NUBPL: variants seen among roughly 807,000 people sequenced by gnomAD.
The protein encoded by NUBPL is NUBP iron-sulfur cluster assembly factor, mitochondrial.
NUBPL carries 31 observed loss-of-function variants against 45.7 expected under a neutral mutation model. The observed-to-expected ratio is 0.68, with a 90% CI of 0.51 to 0.92. The LOEUF is 0.92. Ranked by LOEUF, NUBPL falls within the 40% of genes least tolerant of loss-of-function variation. The probability of loss-of-function intolerance (pLI) is 0.00; values close to 1 mark genes in which losing one functional copy is unlikely to be tolerated. For missense variants in NUBPL, 401 were observed against 398.7 expected (o/e 1.01, Z -0.05); for synonymous variants, 144 against 140.9 (o/e 1.02, Z -0.15).
intron 6 of NUBPL, among the ~76,000 whole-genome samples, chr14:31,764,971 CA>C (rs1327418804): frequency 1.3e-5 from 2 of 152,160 alleles, no homozygotes; most frequent in African/African-American, 4.8e-5. Context: ...TAATCTTTCT[CA>C]AAATCTTTTG....
At chr14:31,782,863 A>C (rs955613514) in intron 6 of NUBPL, among the ~76,000 whole-genome samples, 7 of 152,248 alleles carry the variant, frequency 4.6e-5, no homozygotes, top group African/African-American at 1.7e-4. Flanking sequence ...TTTATAAATA[A>C]GAACCATTTT....
intron 4 of NUBPL, among the ~76,000 whole-genome samples, chr14:31,607,438 G>C (rs2034634033): frequency 6.6e-6 from 1 of 150,518 alleles, no homozygotes; most frequent in Non-Finnish European, 1.5e-5. Context: ...TGACCTTTCA[G>C]ACAAAGAATT....
At chr14:31,835,777 T>C (rs1037062116) in intron 8 of NUBPL, among the ~76,000 whole-genome samples, 13 of 152,176 alleles carry the variant, frequency 8.5e-5, no homozygotes, top group African/African-American at 2.9e-4. Context: ...TTAAAACTTA[T>C]AACATCCATG....
At chr14:31,668,111 TCA>T (rs1955802578) in intron 4 of NUBPL, 1 of 152,386 alleles carries the variant, frequency 6.6e-6, no homozygotes, top group Non-Finnish European at 1.5e-5. Flanking sequence ...CCTGCTCTCT[TCA>T]GAGTCGGCAG....
chr14:31,704,256 A>C (rs531739861), intron 6 of NUBPL, among the ~76,000 whole-genome samples: 79 of 152,282 alleles, frequency 5.2e-4, no homozygotes, highest in Admixed American at 9.8e-4. Flanking sequence ...TTCCTGTCCC[A>C]CTGATGGACA....
chr14:31,737,093 A>ATT (rs2038181725), intron 6 of NUBPL, among the ~76,000 whole-genome samples: 2 of 151,456 alleles, frequency 1.3e-5, no homozygotes, highest in Admixed American at 6.6e-5. Flanking sequence ...TGTTGCAGAT[A>ATT]TCAATCAATG....
At chr14:31,675,367 C>T (rs1034926187) in intron 6 of NUBPL, among the ~76,000 whole-genome samples, 1 of 152,180 alleles carries the variant, frequency 6.6e-6, no homozygotes, top group African/African-American at 2.4e-5. Flanking sequence ...TACACTGGGA[C>T]TAATGCTGAT....
chr14:31,605,157 A>G (rs912841402), intron 4 of NUBPL, among the ~76,000 whole-genome samples: 1 of 152,202 alleles, frequency 6.6e-6, no homozygotes, highest in Non-Finnish European at 1.5e-5. Flanking sequence ...CAGATTTCAT[A>G]TTATAGTATA....
intron 3 of NUBPL, among the ~76,000 whole-genome samples, chr14:31,572,432 C>G (rs953945403): frequency 6.6e-6 from 1 of 152,174 alleles, no homozygotes; most frequent in Non-Finnish European, 1.5e-5. Context: ...AGCCACTGTG[C>G]CTGGCCTAGC....
At chr14:31,718,885 C>G (rs2037746348) in intron 6 of NUBPL, among the ~76,000 whole-genome samples, 1 of 152,132 alleles carries the variant, frequency 6.6e-6, no homozygotes, top group Non-Finnish European at 1.5e-5. Context: ...TGAGTATGAA[C>G]AGAATAAATC....
Position 31,849,981 on chromosome 14 carries a change from A to G in NUBPL, c.815-138A>G, listed in dbSNP as rs1447028448. On this transcript the variant is annotated intron_variant, in intron 9 of 10. Transcript: ENST00000281081. ...ATTCCCATTTGAAATTTCTTTTTCA[A>G]AGATTTAGCAATTAGAAGATAGTCA... The G allele has an allele frequency of 2.9e-6, 2 of 690,974 alleles. No individual in the cohort carries two copies. Among genetic ancestry groups the G allele is most frequent in the African/African-American group, 3.6e-5 (2 of 55,520 alleles). The allele number at this position is 690,974 out of a possible 1,614,324, so 42.8% of individuals were successfully genotyped here. A position where few individuals can be genotyped will look rare whatever the true frequency, so the allele number is the denominator to read the frequency against.
chr14:31,750,182 T>A (rs117699599), intron 6 of NUBPL, among the ~76,000 whole-genome samples: 52,817 of 147,806 alleles, frequency 0.36, 11,378 homozygotes, highest in Non-Finnish European at 0.47. Flanking sequence ...ATTATTATTT[T>A]TTTTTTTTTT....
chr14:31,720,395 T>G (rs2037782940), intron 6 of NUBPL, among the ~76,000 whole-genome samples: 1 of 152,224 alleles, frequency 6.6e-6, no homozygotes, highest in African/African-American at 2.4e-5. Flanking sequence ...TTTAAAGTCT[T>G]TGATATTTTT....
At chr14:31,769,314 T>C (rs184338116) in intron 6 of NUBPL, among the ~76,000 whole-genome samples, 131 of 152,310 alleles carry the variant, frequency 8.6e-4, no homozygotes, top group Non-Finnish European at 1.4e-3. Context: ...ATTCCTCAGA[T>C]AAAAGTTATT....
At chr14:31,761,141 A>C (rs1449070491) in intron 6 of NUBPL, among the ~76,000 whole-genome samples, 1 of 152,190 alleles carries the variant, frequency 6.6e-6, no homozygotes, top group Non-Finnish European at 1.5e-5. Flanking sequence ...TAAATGATGT[A>C]TATAGCCTTT....
chr14:31,705,377 T>G (rs879675648), intron 6 of NUBPL, among the ~76,000 whole-genome samples: 38 of 152,182 alleles, frequency 2.5e-4, no homozygotes, highest in Admixed American at 4.6e-4. Context: ...CTGGCTGGGG[T>G]GGCCTGCTTT....
chr14:31,755,759 A>G (rs1450215630), intron 6 of NUBPL, among the ~76,000 whole-genome samples: 2 of 151,850 alleles, frequency 1.3e-5, no homozygotes, highest in Non-Finnish European at 2.9e-5. Context: ...TGTTTTAGAC[A>G]TGAAGTCCTT....
At chr14:31,792,546 C>A (rs1566564289) in intron 7 of NUBPL, among the ~76,000 whole-genome samples, 1 of 152,010 alleles carries the variant, frequency 6.6e-6, no homozygotes. Flanking sequence ...AGAGTTGTAG[C>A]AGGCAGTGTT....
intron 7 of NUBPL, among the ~76,000 whole-genome samples, chr14:31,795,275 A>G (rs1376521229): frequency 5.9e-3 from 868 of 146,474 alleles, no homozygotes; most frequent in Middle Eastern, 0.019. Context: ...GAAGAAAGTC[A>G]TTGGTAGCTT....
Sources: gnomAD v4.1 joint callset for allele counts (sites outside exome capture counted in the v4.1 genomes callset) on GRCh38, gnomAD v4.1.1 for gene constraint, MANE v1.5 for transcripts, NCBI Gene and HGNC (gene_info 2026-07-23, HGNC 2026-07-21) for gene names.